Variants in WNK2 observed in about 807,000 individuals in gnomAD.
WNK2 encodes serine/threonine-protein kinase WNK2.
In WNK2, 67 loss-of-function variants were observed where a neutral mutation model predicts 192.1. The observed-to-expected ratio is 0.35, with a 90% confidence interval of 0.29 to 0.43. WNK2 has a LOEUF of 0.43. Among genes scored for constraint, WNK2 ranks in the 20% least tolerant of loss-of-function variants. The pLI is 1.00. For missense variants in WNK2, 2,698 were observed against 3,089.7 expected, an observed-to-expected ratio of 0.87 and a Z score of 3.01; for synonymous variants, 1,439 against 1,393.9, an observed-to-expected ratio of 1.03 and a Z score of -0.72.
At chr9:93,317,719 G>T in intron 29 of WNK2, 88 bp downstream of exon 29, 1 of 1,520,346 alleles carries the variant, frequency 6.6e-7, no homozygotes, top group South Asian at 1.2e-5. Flanking sequence ...GTGTCCTGGG[G>T]GCCCTGGGCA....
intron 2 of WNK2, among the ~76,000 whole-genome samples, chr9:93,202,406 C>T (rs1832605567): frequency 6.6e-6 from 1 of 151,460 alleles, no homozygotes; most frequent in Non-Finnish European, 1.5e-5. Context: ...GAATGGCCTG[C>T]CCCTCCGGCG....
intron 2 of WNK2, among the ~76,000 whole-genome samples, chr9:93,219,375 A>G (rs1236006244): frequency 6.6e-6 from 1 of 152,240 alleles, no homozygotes; most frequent in African/African-American, 2.4e-5. Context: ...AAGTGCACAC[A>G]AGGACAAATG....
At chr9:93,221,738 A>G (rs1239294924) in intron 2 of WNK2, among the ~76,000 whole-genome samples, 1 of 152,194 alleles carries the variant, frequency 6.6e-6, no homozygotes, top group African/African-American at 2.4e-5. Context: ...GATAGGAATG[A>G]TGTGATGGCA....
Position 93,247,663 on chromosome 9 carries a change from C to A in WNK2, c.1663C>A (p.Gln555Lys). The A allele has an allele frequency of 1.3e-6, 2 of 1,580,506 alleles. No individual in the cohort carries two copies. Among genetic ancestry groups the A allele is most frequent in the East Asian group, 2.3e-5 (1 of 43,052 alleles). The change falls in exon 8 of 30, where the codon CAG becomes AAG. Residue 555 changes from glutamine (Q) to lysine (K), a missense_variant. Physicochemically the swap from Gln to Lys is moderately conservative, Grantham distance 53. This residue lies in a region of WNK2 where 893 missense variants were observed against 909.0 expected (regional missense o/e 0.98). Transcript: ENST00000427277. This position sits in a 1 kb window ranked among gnomAD's most constrained non-coding sequence, Gnocchi z 5.2. The part of the protein sequence containing the change: ...RIWPALQPKE[Q>K]QDVGSPDKAR... ...CTGGCCCGCGCTGCAGCCCAAGGAG[C>A]AGCAGGATGTGGGCAGCCCGGACAA...
At chr9:93,320,251 C>T in intron 29 of WNK2, 116 bp from the exon 30 acceptor site, 1 of 1,188,720 alleles carries the variant, frequency 8.4e-7, no homozygotes, top group Non-Finnish European at 1.1e-6. Context: ...TGGGTCATGG[C>T]AGAGCTGGCG....
chr9:93,291,952 C>T (rs1588478460), intron 21 of WNK2, among the ~76,000 whole-genome samples: 1 of 152,292 alleles, frequency 6.6e-6, no homozygotes, highest in East Asian at 1.9e-4. Flanking sequence ...GCTGTGGGAC[C>T]CTCTCACATC....
At chr9:93,273,483 C>T (rs1211419893) in intron 19 of WNK2, among the ~76,000 whole-genome samples, 7 of 152,156 alleles carry the variant, frequency 4.6e-5, no homozygotes, top group African/African-American at 7.2e-5. Flanking sequence ...GAGTAAATTC[C>T]TCAAAGGACA....
At chr9:93,215,831 T>C (rs1835643792) in intron 2 of WNK2, among the ~76,000 whole-genome samples, 1 of 152,222 alleles carries the variant, frequency 6.6e-6, no homozygotes, top group African/African-American at 2.4e-5. Context: ...CTCGTTTTTC[T>C]TCTTTTATTT....
At chr9:93,285,575 A>T (rs1201324380) in intron 19 of WNK2, among the ~76,000 whole-genome samples, 1 of 152,252 alleles carries the variant, frequency 6.6e-6, no homozygotes, top group African/African-American at 2.4e-5. Flanking sequence ...AATTTTAAAA[A>T]GAAATGAGTA....
intron 19 of WNK2, among the ~76,000 whole-genome samples, chr9:93,280,929 C>T (rs573006340): frequency 1.3e-4 from 20 of 152,284 alleles, no homozygotes; most frequent in African/African-American, 4.6e-4. Flanking sequence ...CACATTGCAG[C>T]ATGGATGATT....
At chr9:93,315,620 C>T (rs1244035985) in intron 28 of WNK2, 1 of 152,200 alleles carries the variant, frequency 6.6e-6, no homozygotes, top group Non-Finnish European at 1.5e-5. Flanking sequence ...GATAGGGGCT[C>T]TTTTCAAACT....
At chr9:93,271,027 C>T (rs944426557) in intron 19 of WNK2, among the ~76,000 whole-genome samples, 1 of 152,128 alleles carries the variant, frequency 6.6e-6, no homozygotes, top group Non-Finnish European at 1.5e-5. Context: ...GAAAGTAACC[C>T]TATAAAGTTG....
chr9:93,209,882 C>G (rs761658730), intron 2 of WNK2, among the ~76,000 whole-genome samples: 2 of 152,208 alleles, frequency 1.3e-5, no homozygotes, highest in African/African-American at 4.8e-5. Context: ...CCTGTGCCCC[C>G]ACTCTGACTG....
intron 2 of WNK2, among the ~76,000 whole-genome samples, chr9:93,206,943 G>A (rs1010839473): frequency 2.6e-5 from 4 of 152,186 alleles, no homozygotes; most frequent in Non-Finnish European, 5.9e-5. Flanking sequence ...CCCTGGGAAT[G>A]TAGAGGACTC....
Position 93,292,494 on chromosome 9 carries a change from G to A in WNK2, c.5029G>A (p.Val1677Ile), listed in dbSNP as rs1588482814. The change falls in exon 23 of 30, where the codon GTA (valine) becomes ATA (isoleucine). Residue 1677 changes from valine (V) to isoleucine (I), a missense_variant. This residue lies in a region of WNK2 where 1,098 missense variants were observed against 1,101.0 expected (regional missense o/e 1.00). Coordinates refer to ENST00000427277, the MANE Select transcript of WNK2 (RefSeq NM_006648.4). ...TCATCTCCGCTTGTTTCCCAAGGAT[G>A]TACCTGCTTTTGTGAGACCTGCACG... Reference protein sequence around the residue: ...SHVVPSVPQDVPAFVRPARVE... With the variant: ...SHVVPSVPQDIPAFVRPARVE... 6.2e-7 allele frequency: 1 copy of A among 1,602,084 alleles called. No homozygotes were observed. The highest frequency in any genetic ancestry group is 8.5e-7 in the Non-Finnish European group (1 of 1,172,648).
At position 93,263,633 on chromosome 9, in the gene WNK2, G is replaced by T. The variant is rs755354258; in HGVS notation, c.3478G>T (p.Gly1160Cys). ...CAGCTGTGAAGGCGCCTTTGGAGGG[G>T]GCAGGCTGGAGGGCAGGGCAGCCCG... Reference protein sequence around the residue: ...SDSCEGAFGGGRLEGRAARKH... With the variant: ...SDSCEGAFGGCRLEGRAARKH... Residue 1160 changes from glycine (G) to cysteine (C), a missense_variant, in exon 15 of 30, where the codon GGC becomes TGC. By Grantham distance (159) the Gly-to-Cys change is radical. Transcript: ENST00000427277. 2.5e-6 allele frequency: 4 copies of T among 1,608,182 alleles called. No individual in the cohort carries two copies. In the East Asian group the frequency reaches 8.9e-5, roughly 36 times the overall value.
chr9:93,245,471 A>G (rs1037650603), intron 7 of WNK2, among the ~76,000 whole-genome samples: 1 of 152,116 alleles, frequency 6.6e-6, no homozygotes, highest in Non-Finnish European at 1.5e-5. Flanking sequence ...GCATCTCCAC[A>G]GGAATCTCAT....
chr9:93,209,479 C>CA (rs1378846002), intron 2 of WNK2, among the ~76,000 whole-genome samples: 1 of 152,240 alleles, frequency 6.6e-6, no homozygotes, highest in Non-Finnish European at 1.5e-5. Flanking sequence ...CCCTCTCCCT[C>CA]ACGTCCAAGA....
At chr9:93,235,261 T>C (rs11790111) in intron 5 of WNK2, among the ~76,000 whole-genome samples, 22,594 of 152,182 alleles carry the variant, frequency 0.15, 1,835 homozygotes, top group East Asian at 0.27. Context: ...GTGGGGAGAC[T>C]GAGGCTCAGA....
Sources: allele counts gnomAD v4.1 joint callset (sites outside exome capture counted in the v4.1 genomes callset), GRCh38; gene constraint gnomAD v4.1.1; regional missense constraint gnomAD v4.1.1; non-coding constraint Gnocchi (gnomAD v3.1); transcripts MANE v1.5; gene names NCBI Gene and HGNC (gene_info 2026-07-23, HGNC 2026-07-21).